IL20RB: variants seen among roughly 807,000 people sequenced by gnomAD.
IL20RB encodes interleukin 20 receptor subunit beta.
A neutral mutation model predicts 33.3 loss-of-function variants in IL20RB; 21 were observed. That is an observed-to-expected ratio of 0.63 (90% CI 0.45 to 0.91). The LOEUF (loss-of-function observed/expected upper bound fraction) is 0.91. Among genes scored for constraint, IL20RB ranks in the 40% least tolerant of loss-of-function variants. The pLI, the probability that IL20RB is intolerant of heterozygous loss-of-function variation, is 0.00. For synonymous variants in IL20RB, 147 were observed against 146.8 expected, an observed-to-expected ratio of 1.00 and a Z score of -0.01; for missense variants, 345 against 384.8, an observed-to-expected ratio of 0.90 and a Z score of 0.86.
rs796766049 is a variant in IL20RB at position 136,958,922 on chromosome 3, T to TCG, written c.88+722_88+723insGC. ...GAGCCTTGAGTACTTTCTCTCTCTCTCTCTCTCTCTGTCTCTCTGTCTCAC... is the reference window on the plus strand; with the variant it reads ...GAGCCTTGAGTACTTTCTCTCTCTCTCGCTCTCTCTCTGTCTCTCTGTCTCAC... On this transcript the variant is annotated intron_variant, in intron 1 of 6. Transcript: ENST00000329582. 2.5e-3 allele frequency among the ~76,000 whole-genome samples: 353 copies of TCG among 142,200 alleles called. 1 individual carries two copies. The highest frequency in any genetic ancestry group is 8.1e-3 in the African/African-American group (305 of 37,610). The allele number at this position is 142,200 out of a possible 152,430, so 93.3% of individuals were successfully genotyped here. A position where few individuals can be genotyped will look rare whatever the true frequency, so the allele number is the denominator to read the frequency against.
At chr3:136,982,123 G>A (rs1368966725) in intron 2 of IL20RB, 37 bp from the exon 3 acceptor site, 1 of 1,447,048 alleles carries the variant, frequency 6.9e-7, no homozygotes, top group Admixed American at 2.1e-5. Flanking sequence ...TGTGTCAGAG[G>A]GGCTGGTGTA....
At chr3:136,977,806 G>A (rs145148160) in intron 1 of IL20RB, among the ~76,000 whole-genome samples, 3 of 152,278 alleles carry the variant, frequency 2.0e-5, no homozygotes, top group Admixed American at 6.5e-5. Context: ...GTTTACAGGC[G>A]TGAGCCACCA....
chr3:136,974,720 T>C (rs796784820), intron 1 of IL20RB, among the ~76,000 whole-genome samples: 43 of 152,352 alleles, frequency 2.8e-4, no homozygotes, highest in African/African-American at 9.6e-4. Flanking sequence ...TTTTAGTCCT[T>C]CTGTTCTTTC....
chr3:136,963,669 T>C (rs1941289985), intron 1 of IL20RB, among the ~76,000 whole-genome samples: 2 of 145,324 alleles, frequency 1.4e-5, no homozygotes, highest in South Asian at 4.4e-4. Flanking sequence ...GTGTTCTAGA[T>C]ACTAGTTCTT....
intron 6 of IL20RB, among the ~76,000 whole-genome samples, chr3:136,998,133 T>C (rs1472890028): frequency 6.7e-6 from 1 of 148,594 alleles, no homozygotes; most frequent in East Asian, 1.9e-4. Context: ...TCTTTTCTTT[T>C]TTTTTTTTTT....
chr3:136,997,073 G>A (rs1055658393), intron 6 of IL20RB, among the ~76,000 whole-genome samples: 1 of 151,830 alleles, frequency 6.6e-6, no homozygotes, highest in Non-Finnish European at 1.5e-5. Flanking sequence ...GCCACCGAGT[G>A]TGGGCATATC....
At chr3:136,992,620 C>T (rs1199299820) in intron 5 of IL20RB, among the ~76,000 whole-genome samples, 2 of 152,240 alleles carry the variant, frequency 1.3e-5, no homozygotes, top group African/African-American at 2.4e-5. Flanking sequence ...CAAGAGCCTA[C>T]ATCCCATGAT....
chr3:137,004,075 T>C (rs924062756), intron 6 of IL20RB, among the ~76,000 whole-genome samples: 1 of 152,172 alleles, frequency 6.6e-6, no homozygotes, highest in Non-Finnish European at 1.5e-5. Context: ...TATTGATTTG[T>C]GTATGTTGAA....
chr3:136,991,410 C>G (rs931315395), intron 4 of IL20RB, among the ~76,000 whole-genome samples: 4 of 152,176 alleles, frequency 2.6e-5, no homozygotes, highest in African/African-American at 9.7e-5. Flanking sequence ...TTGTTCAATG[C>G]TAGGTCCCTG....
intron 6 of IL20RB, among the ~76,000 whole-genome samples, chr3:137,008,672 G>A (rs1239717290): frequency 6.6e-6 from 1 of 152,234 alleles, no homozygotes; most frequent in East Asian, 1.9e-4. Flanking sequence ...CAGTAGAAAT[G>A]TGGCTCGTCC....
At chr3:136,959,791 A>G (rs1173163376) in intron 1 of IL20RB, among the ~76,000 whole-genome samples, 1 of 152,176 alleles carries the variant, frequency 6.6e-6, no homozygotes, top group African/African-American at 2.4e-5. Context: ...CCTGTGTGTG[A>G]GTTTTGGCTC....
intron 5 of IL20RB, among the ~76,000 whole-genome samples, chr3:136,992,463 G>T (rs1006676764): frequency 2.6e-5 from 4 of 152,208 alleles, no homozygotes; most frequent in Non-Finnish European, 5.9e-5. Context: ...GTGCTACGTT[G>T]TATAACACCA....
intron 1 of IL20RB, among the ~76,000 whole-genome samples, chr3:136,967,197 T>C (rs1941375079): frequency 6.6e-6 from 1 of 151,846 alleles, no homozygotes; most frequent in Non-Finnish European, 1.5e-5. Flanking sequence ...GAGAGTTCTG[T>C]AGATTTCTAT....
chr3:136,992,311 G>A (rs1241103682), intron 5 of IL20RB, among the ~76,000 whole-genome samples: 1 of 152,380 alleles, frequency 6.6e-6, no homozygotes, highest in Middle Eastern at 3.4e-3. Context: ...GCAGCTGTCT[G>A]AAACACTTTC....
intron 6 of IL20RB, among the ~76,000 whole-genome samples, chr3:137,003,794 C>T (rs186014829): frequency 3.9e-4 from 59 of 152,268 alleles, no homozygotes; most frequent in Non-Finnish European, 1.2e-4. Flanking sequence ...CCAGAACTTC[C>T]AACACTATGT....
At chr3:136,972,014 T>G (rs1428046897) in intron 1 of IL20RB, among the ~76,000 whole-genome samples, 2 of 152,232 alleles carry the variant, frequency 1.3e-5, no homozygotes, top group Non-Finnish European at 2.9e-5. Context: ...TTTTGTCTTT[T>G]TAGTAATAGC....
intron 1 of IL20RB, among the ~76,000 whole-genome samples, chr3:136,962,250 C>T (rs761228549): frequency 2.6e-5 from 4 of 152,152 alleles, no homozygotes; most frequent in Admixed American, 6.5e-5. Flanking sequence ...TTATTAACTA[C>T]ACAGGGGAAA....
intron 6 of IL20RB, among the ~76,000 whole-genome samples, chr3:137,008,905 A>G (rs137923590): frequency 1.3e-5 from 2 of 152,358 alleles, no homozygotes; most frequent in East Asian, 3.9e-4. Flanking sequence ...GATTCACATT[A>G]TATTTCTATT....
chr3:137,009,460 A>G (rs1933026587), intron 6 of IL20RB, among the ~76,000 whole-genome samples: 1 of 152,186 alleles, frequency 6.6e-6, no homozygotes, highest in African/African-American at 2.4e-5. Context: ...ATTGGGCACC[A>G]TGCTAGGTGC....
Sources: allele counts gnomAD v4.1 joint callset (sites outside exome capture counted in the v4.1 genomes callset), GRCh38; gene constraint gnomAD v4.1.1; transcripts MANE v1.5; gene names NCBI Gene and HGNC (gene_info 2026-07-23, HGNC 2026-07-21).